PRIM2: variants seen among roughly 807,000 people sequenced by gnomAD.
PRIM2 encodes the protein DNA primase subunit 2, also known as DNA primase large subunit.
Under a neutral mutation model 67.3 loss-of-function variants are expected in PRIM2, and 39 were observed. The ratio of observed to expected loss-of-function variants is 0.58; its 90% CI spans 0.45 to 0.76. The LOEUF is 0.76. PRIM2 is among the 30% of genes least tolerant of loss of function. The pLI, the probability that PRIM2 is intolerant of heterozygous loss-of-function variation, is 0.00. For missense variants in PRIM2, 398 were observed against 598.7 expected (o/e 0.66, Z 3.50); for synonymous variants, 143 against 198.7 (o/e 0.72, Z 2.36).
rs1417480065 is a variant in PRIM2, at chr6:57,488,001, C to G, written c.694-19386C>G. On this transcript the variant is annotated intron_variant, in intron 7 of 13. Coordinates refer to ENST00000615550, the MANE Select transcript of PRIM2 (RefSeq NM_000947.5). ...TTACAGTAGCTGTGTAAAATTGGGA[C>G]TAGTACCCTCATTTACAGATGAGGA... is the stretch of plus-strand genomic sequence containing the variant. Among the ~76,000 whole-genome samples the G allele has an allele frequency of 6.4e-3, 967 of 152,206 alleles. 36 individuals are homozygous for G. Among genetic ancestry groups the G allele is most frequent in the Admixed American group, 0.057 (870 of 15,288 alleles).
In PRIM2 at chr6:57,636,884, C is replaced by T. The variant is rs1289477816; in HGVS notation, c.1299+4683C>T. ...GCCAGCTCTAAAGAGAGCAGCAGAT[C>T]TCCCAGCCTAGCATTCGAGCTCTGT... On this transcript the variant is annotated intron_variant, in intron 13 of 13. Transcript: ENST00000615550. Among the ~76,000 whole-genome samples the T allele has an allele frequency of 4.4e-3, 665 of 152,324 alleles. 2 individuals carry two copies. The highest frequency in any genetic ancestry group is 6.2e-3 in the Non-Finnish European group (424 of 68,026).
intron 7 of PRIM2, among the ~76,000 whole-genome samples, chr6:57,463,660 G>A (rs1773086341): frequency 1.3e-4 from 20 of 152,250 alleles, no homozygotes. Context: ...CATCTTCAGA[G>A]ATTTCAAACC....
At chr6:57,363,338 A>G (rs904359671) in intron 5 of PRIM2, among the ~76,000 whole-genome samples, 6 of 152,230 alleles carry the variant, frequency 3.9e-5, no homozygotes, top group African/African-American at 9.6e-5. Flanking sequence ...TCATATGTTT[A>G]TAAGTATAAA....
intron 7 of PRIM2, among the ~76,000 whole-genome samples, chr6:57,464,273 T>A (rs1280839456): frequency 6.6e-6 from 1 of 152,102 alleles, no homozygotes; most frequent in Non-Finnish European, 1.5e-5. Context: ...TTGTATTTCT[T>A]TTTTTCCTTT....
At chr6:57,621,350 G>A (rs1776850349) in intron 12 of PRIM2, among the ~76,000 whole-genome samples, 1 of 152,034 alleles carries the variant, frequency 6.6e-6, no homozygotes, top group African/African-American at 2.4e-5. Flanking sequence ...AGCCCTCATG[G>A]CCTCATGATG....
At chr6:57,580,280 A>T (rs1776056842) in intron 10 of PRIM2, among the ~76,000 whole-genome samples, 1 of 152,228 alleles carries the variant, frequency 6.6e-6, no homozygotes, top group Non-Finnish European at 1.5e-5. Flanking sequence ...AAAGTTTTAA[A>T]ACCTTAGACT....
chr6:57,317,518 A>T (rs1415984232), upstream of PRIM2: 1 of 152,720 alleles, frequency 6.5e-6, no homozygotes, highest in Non-Finnish European at 1.5e-5. Flanking sequence ...TTGAATTCCC[A>T]GACGCGCTCC....
At chr6:57,441,802 T>C (rs985210811) in intron 7 of PRIM2, among the ~76,000 whole-genome samples, 2 of 152,204 alleles carry the variant, frequency 1.3e-5, no homozygotes, top group African/African-American at 4.8e-5. Context: ...TCTCAATTAG[T>C]TGGAAATCTG....
chr6:57,602,082 A>G (rs1261460082), intron 11 of PRIM2, among the ~76,000 whole-genome samples: 6 of 148,186 alleles, frequency 4.0e-5, no homozygotes, highest in African/African-American at 1.5e-4. Flanking sequence ...TTTTTGAGAC[A>G]GAGTTTCATT....
At chr6:57,233,979 T>A in the PRIM2 span, among the ~76,000 whole-genome samples, 1 of 152,184 alleles carries the variant, frequency 6.6e-6, no homozygotes, top group Non-Finnish European at 1.5e-5. Context: ...TAACAATTTC[T>A]TATTTATTCT....
chr6:57,303,690 A>G, the PRIM2 span, among the ~76,000 whole-genome samples: 25 of 152,114 alleles, frequency 1.6e-4, no homozygotes, highest in Non-Finnish European at 3.2e-4. Flanking sequence ...ATCTCGGCTC[A>G]CTGCAAACTC....
At chr6:57,504,678 G>T (rs1354285935) in intron 7 of PRIM2, among the ~76,000 whole-genome samples, 1 of 152,074 alleles carries the variant, frequency 6.6e-6, no homozygotes, top group Non-Finnish European at 1.5e-5. Context: ...TATGTGTCCG[G>T]TACATTGTTG....
chr6:57,315,662 CT>C (rs1767466814), upstream of PRIM2, among the ~76,000 whole-genome samples: 1 of 151,904 alleles, frequency 6.6e-6, no homozygotes, highest in Non-Finnish European at 1.5e-5. Flanking sequence ...GATTTTTTTC[CT>C]AATGAGTTAA....
At chr6:57,250,305 T>C in the PRIM2 span, among the ~76,000 whole-genome samples, 2 of 152,180 alleles carry the variant, frequency 1.3e-5, no homozygotes, top group Non-Finnish European at 2.9e-5. Flanking sequence ...ACTCAGCAAA[T>C]ATGTATTAGG....
chr6:57,397,610 C>G (rs7454059), intron 7 of PRIM2, among the ~76,000 whole-genome samples: 1 of 152,022 alleles, frequency 6.6e-6, no homozygotes, highest in East Asian at 1.9e-4. Flanking sequence ...ATTGGGCTTC[C>G]CCTTTCTTGG....
chr6:57,457,769 C>T (rs369191073), intron 7 of PRIM2, among the ~76,000 whole-genome samples: 1 of 152,186 alleles, frequency 6.6e-6, no homozygotes, highest in Non-Finnish European at 1.5e-5. Context: ...CCTCGGCTCA[C>T]ATACGGTGTG....
chr6:57,302,588 AT>A, the PRIM2 span, among the ~76,000 whole-genome samples: 1 of 152,112 alleles, frequency 6.6e-6, no homozygotes, highest in African/African-American at 2.4e-5. Context: ...ACTAAAGCAT[AT>A]TTTTCTGCCT....
intron 13 of PRIM2, among the ~76,000 whole-genome samples, chr6:57,638,298 A>G (rs1200925740): frequency 2.6e-5 from 4 of 152,322 alleles, no homozygotes; most frequent in Non-Finnish European, 5.9e-5. Flanking sequence ...GCAAAAACAT[A>G]TCAAATTCTA....
At chr6:57,439,708 C>G (rs1226255030) in intron 7 of PRIM2, among the ~76,000 whole-genome samples, 3 of 151,956 alleles carry the variant, frequency 2.0e-5, no homozygotes, top group Non-Finnish European at 4.4e-5. Flanking sequence ...AGCCACCGTG[C>G]CTGGCCGAGG....
Sources: gnomAD v4.1 joint callset for allele counts (sites outside exome capture counted in the v4.1 genomes callset) on GRCh38, gnomAD v4.1.1 for gene constraint, MANE v1.5 for transcripts, NCBI Gene and HGNC (gene_info 2026-07-23, HGNC 2026-07-21) for gene names.